DCDC1: variants seen among roughly 807,000 people sequenced by gnomAD.
DCDC1 encodes the protein doublecortin domain-containing protein 1.
A neutral mutation model predicts 178.3 loss-of-function variants in DCDC1; 200 were observed. The observed-to-expected ratio is 1.12, with a 90% CI of 1.00 to 1.26. The LOEUF is 1.26. DCDC1 is among the 50% of genes most tolerant of loss of function. The pLI is 0.00. For missense variants in DCDC1, 1,983 were observed against 1,749.2 expected, an observed-to-expected ratio of 1.13 and a Z score of -2.38; for synonymous variants, 690 against 604.8, an observed-to-expected ratio of 1.14 and a Z score of -2.07.
intron 6 of DCDC1, among the ~76,000 whole-genome samples, chr11:31,296,608 C>T (rs185259838): frequency 3.1e-4 from 47 of 152,274 alleles, no homozygotes; most frequent in African/African-American, 1.1e-3. Context: ...TGTATTAGTG[C>T]ATTTTCACAC....
At chr11:30,967,348 T>C (rs1264404212) in intron 20 of DCDC1, among the ~76,000 whole-genome samples, 1 of 151,872 alleles carries the variant, frequency 6.6e-6, no homozygotes, top group Non-Finnish European at 1.5e-5. Context: ...CCTAGGTATT[T>C]TATTCTCTTT....
intron 20 of DCDC1, among the ~76,000 whole-genome samples, chr11:31,062,595 C>T (rs1955993784): frequency 6.6e-6 from 1 of 152,010 alleles, no homozygotes; most frequent in Non-Finnish European, 1.5e-5. Context: ...CAGCAAGGTA[C>T]TAAATTTGTT....
chr11:30,952,458 C>G lies in DCDC1; in HGVS notation c.2702G>C (p.Gly901Ala). 6.4e-7 allele frequency: 1 copy of G among 1,566,146 alleles called. No homozygotes were observed. Among genetic ancestry groups the G allele is most frequent in the Non-Finnish European group, 8.6e-7 (1 of 1,158,406 alleles). ...AAGCAACACAACCTCATTAAGTTGG[C>G]CACTGGGAAGGACAGGCCACATGTA... Reference protein sequence around the residue: ...LTYMWPVLPSGQLNEEFDWPI... With the variant: ...LTYMWPVLPSAQLNEEFDWPI... Residue 901 changes from glycine to alanine, a missense_variant, in exon 21 of 39, where the codon GGC becomes GCC. Transcript: ENST00000684477.
chr11:31,213,593 A>G (rs1973124889), intron 9 of DCDC1, among the ~76,000 whole-genome samples: 1 of 151,722 alleles, frequency 6.6e-6, no homozygotes, highest in Admixed American at 6.6e-5. Context: ...GGTGGCGGGC[A>G]CCTGTAATCC....
chr11:30,944,372 T>C (rs1252663630), intron 21 of DCDC1: 5 of 455,716 alleles, frequency 1.1e-5, no homozygotes, highest in South Asian at 6.2e-5. Flanking sequence ...GTTAGATAAA[T>C]AGTAAAGTTG....
Position 31,213,322 on chromosome 11 carries a change from G to C in DCDC1, c.1221+28128C>G, listed in dbSNP as rs188895827. Among the ~76,000 whole-genome samples the C allele has an allele frequency of 1.4e-3, 216 of 151,792 alleles. 1 individual carries two copies. The highest frequency in any genetic ancestry group is 4.9e-3 in the African/African-American group (203 of 41,328). On this transcript the variant is annotated intron_variant, in intron 9 of 38. Transcript: ENST00000684477. ...TTTAGCCTTATCATTGGTAAGTAGA[G>C]ACTGGATTTTAATTCCTGCCTGGCT... is the stretch of plus-strand genomic sequence containing the variant.
chr11:31,064,378 C>A, intron 20 of DCDC1, 91 bp downstream of exon 20: 1 of 639,468 alleles, frequency 1.6e-6, no homozygotes, highest in Non-Finnish European at 2.8e-6. Context: ...TGAGATATTT[C>A]AATTATCTTC....
At chr11:30,960,553 C>A (rs937850924) in intron 20 of DCDC1, among the ~76,000 whole-genome samples, 19 of 152,120 alleles carry the variant, frequency 1.2e-4, no homozygotes, top group African/African-American at 4.6e-4. Flanking sequence ...TCAGTAAGTT[C>A]TCTGGAATCC....
intron 9 of DCDC1, among the ~76,000 whole-genome samples, chr11:31,158,068 G>A (rs1965910106): frequency 6.6e-6 from 1 of 151,620 alleles, no homozygotes; most frequent in Non-Finnish European, 1.5e-5. Context: ...TACTCTCTTA[G>A]CAATTTTCAA....
At chr11:31,140,322 T>C (rs1307126712) in intron 9 of DCDC1, among the ~76,000 whole-genome samples, 1 of 152,112 alleles carries the variant, frequency 6.6e-6, no homozygotes, top group Non-Finnish European at 1.5e-5. Context: ...GTGGATAAAA[T>C]TTGTATATAA....
chr11:31,178,815 C>A (rs905643675), intron 9 of DCDC1, among the ~76,000 whole-genome samples: 2 of 152,098 alleles, frequency 1.3e-5, no homozygotes, highest in African/African-American at 2.4e-5. Context: ...GCCTCAGCCT[C>A]CCGAGTAGGT....
intron 9 of DCDC1, among the ~76,000 whole-genome samples, chr11:31,159,152 T>C (rs1966056973): frequency 6.6e-6 from 1 of 152,162 alleles, no homozygotes; most frequent in Non-Finnish European, 1.5e-5. Context: ...TGTGCAAATA[T>C]TTTTATTGTC....
chr11:31,269,270 A>C (rs1487443702), intron 7 of DCDC1, among the ~76,000 whole-genome samples: 6 of 152,344 alleles, frequency 3.9e-5, no homozygotes, highest in Non-Finnish European at 5.9e-5. Context: ...TGAAAAGTAC[A>C]TTATGGTGTC....
chr11:30,916,976 T>C lies in DCDC1; in HGVS notation c.3346A>G (p.Arg1116Gly), dbSNP rs1245072082. The part of the protein sequence containing the change: ...LRMKACHTLP[R>G]YAWQETSHDF... ...TGTGAAGTTTCCTGCCAGGCATACC[T>C]GGGAAGTGTGTGACAAGCCTTCATT... Residue 1116 changes from arginine to glycine, a missense_variant, in exon 26 of 39, where the codon AGG becomes GGG. By Grantham distance (125) the Arg-to-Gly change is moderately radical. Transcript: ENST00000684477. 6.2e-7 allele frequency: 1 copy of C among 1,610,580 alleles called. No homozygotes were observed. The highest frequency in any genetic ancestry group is 8.5e-7 in the Non-Finnish European group (1 of 1,178,454).
chr11:30,977,833 G>A (rs201541635), intron 20 of DCDC1, among the ~76,000 whole-genome samples: 2 of 152,242 alleles, frequency 1.3e-5, no homozygotes, highest in East Asian at 3.9e-4. Flanking sequence ...TGGGTGCTGA[G>A]GTGGGAGGAT....
At chr11:30,905,393 G>A (rs1160998860) in intron 30 of DCDC1, among the ~76,000 whole-genome samples, 1 of 152,128 alleles carries the variant, frequency 6.6e-6, no homozygotes, top group African/African-American at 2.4e-5. Flanking sequence ...TGGGCATCTG[G>A]CTTGTGTTTC....
chr11:31,112,445 T>C (rs1959194422), intron 11 of DCDC1, among the ~76,000 whole-genome samples: 1 of 152,172 alleles, frequency 6.6e-6, no homozygotes, highest in African/African-American at 2.4e-5. Context: ...TGCCCAATTC[T>C]TGGCTTAAGA....
intron 9 of DCDC1, among the ~76,000 whole-genome samples, chr11:31,192,803 G>T (rs182446979): frequency 1.3e-5 from 2 of 152,016 alleles, no homozygotes; most frequent in African/African-American, 4.8e-5. Flanking sequence ...CATTATTTCC[G>T]GTTTTGTCTG....
intron 20 of DCDC1, among the ~76,000 whole-genome samples, chr11:31,045,322 C>T (rs946601006): frequency 1.3e-5 from 2 of 151,934 alleles, no homozygotes; most frequent in East Asian, 1.9e-4. Flanking sequence ...ACTTCTTACA[C>T]GTGACGGAGG....
Sources: allele counts gnomAD v4.1 joint callset (sites outside exome capture counted in the v4.1 genomes callset), GRCh38; gene constraint gnomAD v4.1.1; transcripts MANE v1.5; gene names NCBI Gene and HGNC (gene_info 2026-07-23, HGNC 2026-07-21).